Variants in LINGO1 observed in about 807,000 individuals in gnomAD.
LINGO1 encodes the protein leucine-rich repeat and immunoglobulin-like domain-containing nogo receptor-interacting protein 1.
In LINGO1, 11 loss-of-function variants were observed where a neutral mutation model predicts 37.3. The observed-to-expected ratio is 0.29, with a 90% CI of 0.19 to 0.49. LINGO1 has a LOEUF of 0.49. Among genes scored for constraint, LINGO1 ranks in the 20% least tolerant of loss-of-function variants. The probability of loss-of-function intolerance (pLI) is 0.99; values close to 1 mark genes in which losing one functional copy is unlikely to be tolerated. For synonymous variants in LINGO1, 387 were observed against 403.0 expected (o/e 0.96, Z 0.48); for missense variants, 585 against 878.2 (o/e 0.67, Z 4.22).
rs147099095 is a variant in LINGO1 at position 77,736,582 on chromosome 15, G to C, written c.-256-1529C>G. ...GTTCAAGACCAGCCTGGGTGACATA[G>C]CAAGACCCTGTCTCTACAAAAAAAA... is the stretch of plus-strand genomic sequence containing the variant. On this transcript the variant is annotated intron_variant, in intron 1 of 3. Coordinates refer to the LINGO1 transcript ENST00000561686. Among the ~76,000 whole-genome samples, 67 of 152,176 alleles carry C rather than the reference G, an allele frequency of 4.4e-4. 2 individuals carry two copies. The East Asian group carries it at 0.012, about 27-fold the overall frequency.
chr15:77,746,546 T>G (rs914473681), intron 1 of LINGO1, among the ~76,000 whole-genome samples: 1 of 151,712 alleles, frequency 6.6e-6, no homozygotes, highest in African/African-American at 2.4e-5. Context: ...ACCTAAGGGG[T>G]AGAATTGCCC....
Position 77,719,070 on chromosome 15 carries a change from C to T in LINGO1, c.-195+15922G>A, listed in dbSNP as rs1274557608. Among the ~76,000 whole-genome samples, 3 of 150,150 alleles carry T rather than the reference C, an allele frequency of 2.0e-5. No homozygotes were observed. In the East Asian group the frequency reaches 6.4e-4, roughly 32 times the overall value. ...TCCATAAATGAGGAGCTTGTCCAGGCAGGGCGGAGGGTCCAGAGAGAACTG... is the reference window on the plus strand; with the variant it reads ...TCCATAAATGAGGAGCTTGTCCAGGTAGGGCGGAGGGTCCAGAGAGAACTG... On this transcript the variant is annotated intron_variant, in intron 2 of 3. Coordinates refer to the LINGO1 transcript ENST00000561686.
chr15:77,801,749 G>C (rs2076920613), intron 1 of LINGO1, among the ~76,000 whole-genome samples: 1 of 152,096 alleles, frequency 6.6e-6, no homozygotes, highest in South Asian at 2.1e-4. Context: ...GAAACACTAG[G>C]GCTCTAGGAC....
At chr15:77,791,127 G>A (rs2076815429), upstream of LINGO1, among the ~76,000 whole-genome samples, 2 of 152,170 alleles carry the variant, frequency 1.3e-5, no homozygotes, top group Admixed American at 1.3e-4. Context: ...AGCCAGGCTT[G>A]GACACCCTGG....
chr15:77,733,839 G>A (rs1373011863), intron 2 of LINGO1, among the ~76,000 whole-genome samples: 1 of 152,020 alleles, frequency 6.6e-6, no homozygotes, highest in African/African-American at 2.4e-5. Context: ...TTGCAGGGGT[G>A]TCTGAGCTGC....
At chr15:77,619,131 T>C (rs1177987960) in intron 1 of LINGO1, among the ~76,000 whole-genome samples, 1 of 116,170 alleles carries the variant, frequency 8.6e-6, no homozygotes, top group African/African-American at 3.6e-5. Context: ...GCATTTGGCA[T>C]CTCTCCTGTA....
chr15:77,783,759 G>C (rs1596227627), intron 1 of LINGO1, among the ~76,000 whole-genome samples: 1 of 152,322 alleles, frequency 6.6e-6, no homozygotes, highest in African/African-American at 2.4e-5. Flanking sequence ...GAGTTGCCTG[G>C]AGTCCCAGAG....
At chr15:77,700,416 A>G (rs1209327138), upstream of LINGO1, among the ~76,000 whole-genome samples, 2 of 152,204 alleles carry the variant, frequency 1.3e-5, no homozygotes, top group Non-Finnish European at 2.9e-5. Flanking sequence ...GGATTTCTCT[A>G]CTATGATGAC....
At chr15:77,712,257 C>T (rs956206091) in intron 2 of LINGO1, among the ~76,000 whole-genome samples, 2 of 152,164 alleles carry the variant, frequency 1.3e-5, no homozygotes, top group East Asian at 3.8e-4. Context: ...GGTCAAACCT[C>T]CCAGCTGGCC....
In LINGO1 at chr15:77,613,824, G is replaced by C. The variant is rs2073587781; in HGVS notation, c.*220C>G. 2 of 583,368 alleles carry C rather than the reference G, an allele frequency of 3.4e-6. 1 individual carries two copies. The highest frequency in any genetic ancestry group is 4.4e-5 in the South Asian group (2 of 45,340). 36.1% of individuals were successfully genotyped at this position (583,368 alleles called of 1,614,324 possible). A position where few individuals can be genotyped will look rare whatever the true frequency, so the allele number is the denominator to read the frequency against. ...TCAACTCCAGTCTGTCAATGCCCCT[G>C]TGTAGGTGGGGTCCCCAGGTCTGGG... On this transcript the variant is annotated 3_prime_UTR_variant, in exon 2 of 2. Transcript: ENST00000355300.
At chr15:77,813,623 G>A (rs561165273) in intron 1 of LINGO1, among the ~76,000 whole-genome samples, 26 of 152,248 alleles carry the variant, frequency 1.7e-4, no homozygotes, top group East Asian at 9.7e-4. Flanking sequence ...CAGAGGAGGC[G>A]CCCAAACAGT....
intron 3 of LINGO1, among the ~76,000 whole-genome samples, chr15:77,666,413 A>T (rs1222624893): frequency 6.6e-6 from 1 of 152,202 alleles, no homozygotes; most frequent in Admixed American, 6.5e-5. Flanking sequence ...TGGGGCTAAG[A>T]TGAGTGTGCT....
At chr15:77,652,007 A>C (rs2074767323) in intron 3 of LINGO1, 2 of 152,342 alleles carry the variant, frequency 1.3e-5, no homozygotes, top group South Asian at 4.2e-4. Context: ...AAAATCCAGA[A>C]TCTACATCCC....
Position 77,776,516 on chromosome 15 carries a change from GGA to G in LINGO1, c.-257+10351_-257+10352del, listed in dbSNP as rs1567577710. On this transcript the variant is annotated intron_variant, in intron 1 of 3. Transcript: ENST00000561686. ...AGGAAGGCAGGAAGGCAGGAAGGCA[GGA>G]AGGGAGGAAGGGAGGGAGGGAGGGA... Among the ~76,000 whole-genome samples, 387 of 93,434 alleles carry G rather than the reference GGA, an allele frequency of 4.1e-3. 4 individuals carry two copies. The highest frequency in any genetic ancestry group is 0.013 in the African/African-American group (324 of 24,438). 61.3% of individuals were successfully genotyped at this position (93,434 alleles called of 152,430 possible).
chr15:77,740,798 G>C (rs925432975), intron 1 of LINGO1, among the ~76,000 whole-genome samples: 4 of 152,188 alleles, frequency 2.6e-5, no homozygotes, highest in Non-Finnish European at 5.9e-5. Context: ...TAAAGACCGA[G>C]GCTGCCCAAG....
chr15:77,738,806 AG>A (rs1484731445), intron 1 of LINGO1, among the ~76,000 whole-genome samples: 3 of 151,988 alleles, frequency 2.0e-5, no homozygotes, highest in Non-Finnish European at 2.9e-5. Flanking sequence ...GAAGGAAGGA[AG>A]GAAGGAAAGA....
At chr15:77,732,367 G>A (rs1163805233) in intron 2 of LINGO1, among the ~76,000 whole-genome samples, 1 of 152,206 alleles carries the variant, frequency 6.6e-6, no homozygotes, top group African/African-American at 2.4e-5. Context: ...CCAAGTATAG[G>A]ATGTTGTTTA....
chr15:77,789,721 A>G (rs1227237944), upstream of LINGO1, among the ~76,000 whole-genome samples: 1 of 152,162 alleles, frequency 6.6e-6, no homozygotes, highest in Non-Finnish European at 1.5e-5. Flanking sequence ...GAGGCCTGAA[A>G]CAGATCATCC....
rs879242825 is a variant in LINGO1 at position 77,632,494 on chromosome 15, C to A, written c.-179G>T. On this transcript the variant is annotated 5_prime_UTR_variant, in exon 1 of 2. Transcript: ENST00000355300. This position sits in a 1 kb window ranked among gnomAD's most constrained non-coding sequence, Gnocchi z 6.0. ...TGTCCGTCTGTCCGCCCCGCGCGGG[C>A]GGGAGCCGAGCCGGAGCCGGGGCCG... is the stretch of plus-strand genomic sequence containing the variant. 1.9e-5 allele frequency: 10 copies of A among 530,348 alleles called. No individual in the cohort carries two copies. The highest frequency in any genetic ancestry group is 2.8e-5 in the Non-Finnish European group (10 of 361,732). 32.9% of individuals were successfully genotyped at this position (530,348 alleles called of 1,614,324 possible). A position where few individuals can be genotyped will look rare whatever the true frequency, so the allele number is the denominator to read the frequency against.
Sources: gnomAD v4.1 joint callset for allele counts (sites outside exome capture counted in the v4.1 genomes callset) on GRCh38, gnomAD v4.1.1 for gene constraint, Gnocchi (gnomAD v3.1) non-coding constraint, MANE v1.5 for transcripts, NCBI Gene and HGNC (gene_info 2026-07-23, HGNC 2026-07-21) for gene names.